LRRC4C: variants seen among roughly 807,000 people sequenced by gnomAD.
The protein encoded by LRRC4C is leucine rich repeat containing 4C.
In LRRC4C, 5 loss-of-function variants were observed where a neutral mutation model predicts 33.6. The ratio of observed to expected loss-of-function variants is 0.15; its 90% CI spans 0.08 to 0.31. The LOEUF (loss-of-function observed/expected upper bound fraction) is 0.31. LRRC4C is among the 10% of genes least tolerant of loss of function. The pLI is 1.00. For synonymous variants in LRRC4C, 329 were observed against 302.0 expected (o/e 1.09, Z -0.93); for missense variants, 560 against 796.7 (o/e 0.70, Z 3.58).
intron 3 of LRRC4C, among the ~76,000 whole-genome samples, chr11:40,356,386 T>C (rs372019653): frequency 3.3e-5 from 5 of 152,328 alleles, no homozygotes; most frequent in African/African-American, 1.2e-4. Context: ...CTATTAAGCA[T>C]TTGTTTAAAA....
chr11:41,370,665 A>T (rs956957492), intron 1 of LRRC4C, among the ~76,000 whole-genome samples: 1 of 152,064 alleles, frequency 6.6e-6, no homozygotes, highest in African/African-American at 2.4e-5. Flanking sequence ...AGTCTTGGGT[A>T]TGTCTTTATC....
chr11:41,052,481 G>A (rs145121838), intron 1 of LRRC4C, among the ~76,000 whole-genome samples: 17 of 151,336 alleles, frequency 1.1e-4, no homozygotes, highest in African/African-American at 2.2e-4. Context: ...GTATGTTCCC[G>A]TCCATCTGCT....
chr11:40,429,558 G>T (rs1429935582), intron 3 of LRRC4C, among the ~76,000 whole-genome samples: 2 of 133,272 alleles, frequency 1.5e-5, no homozygotes, highest in Non-Finnish European at 3.2e-5. Flanking sequence ...TGAATCAGGT[G>T]CAATAATAAT....
intron 1 of LRRC4C, among the ~76,000 whole-genome samples, chr11:41,162,694 G>T (rs1565440056): frequency 6.6e-6 from 1 of 152,104 alleles, no homozygotes; most frequent in East Asian, 1.9e-4. Context: ...TAGTATAAAA[G>T]ATAAAAAATA....
intron 1 of LRRC4C, among the ~76,000 whole-genome samples, chr11:41,128,862 A>G (rs540764690): frequency 3.3e-5 from 5 of 152,146 alleles, no homozygotes; most frequent in South Asian, 2.1e-4. Flanking sequence ...ATAACTTCAT[A>G]TATCTATCTG....
chr11:41,337,861 C>A (rs893854668), intron 1 of LRRC4C, among the ~76,000 whole-genome samples: 4 of 152,044 alleles, frequency 2.6e-5, no homozygotes, highest in South Asian at 2.1e-4. Context: ...ACAACCCCAT[C>A]AAAAAATGGG....
intron 1 of LRRC4C, among the ~76,000 whole-genome samples, chr11:41,071,951 G>A (rs543955876): frequency 6.6e-6 from 1 of 152,238 alleles, no homozygotes; most frequent in African/African-American, 2.4e-5. Context: ...GATAGAAATA[G>A]CAACAGAATG....
At chr11:41,285,737 T>TA (rs1005608299) in intron 1 of LRRC4C, among the ~76,000 whole-genome samples, 13 of 152,308 alleles carry the variant, frequency 8.5e-5, no homozygotes, top group Admixed American at 6.5e-4. Flanking sequence ...GTGTGTTACT[T>TA]AAAAAAAGAC....
intron 3 of LRRC4C, among the ~76,000 whole-genome samples, chr11:40,361,744 C>T (rs10430980): frequency 0.5 from 75,377 of 151,976 alleles, 19,113 homozygotes; most frequent in East Asian, 0.8. Flanking sequence ...ACATGCTTCA[C>T]AGAACTAGAA....
intron 2 of LRRC4C, among the ~76,000 whole-genome samples, chr11:40,915,739 T>A (rs1956926580): frequency 6.6e-6 from 1 of 152,096 alleles, no homozygotes. Context: ...CAAAAGAAAC[T>A]ACCATCAGAG....
intron 4 of LRRC4C, among the ~76,000 whole-genome samples, chr11:40,283,678 G>A (rs1042569235): frequency 3.0e-4 from 42 of 138,164 alleles, no homozygotes; most frequent in African/African-American, 1.1e-3. Flanking sequence ...AGAAGAATAA[G>A]ATGAGGTCCA....
chr11:41,351,953 A>G (rs1951999606), intron 1 of LRRC4C, among the ~76,000 whole-genome samples: 1 of 152,204 alleles, frequency 6.6e-6, no homozygotes, highest in African/African-American at 2.4e-5. Context: ...CTGACACTAA[A>G]AAGCAACTGT....
intron 1 of LRRC4C, among the ~76,000 whole-genome samples, chr11:41,204,176 T>G (rs1946505960): frequency 1.3e-5 from 2 of 152,198 alleles, no homozygotes; most frequent in Non-Finnish European, 2.9e-5. Flanking sequence ...CCTGGCCTTC[T>G]AAAAATAGAA....
chr11:40,115,190 C>T lies in LRRC4C; in HGVS notation c.1103G>A (p.Gly368Asp). Residue 368 changes from glycine to aspartate, a missense_variant, in exon 7 of 7, where the codon GGC (glycine) becomes GAC (aspartate). Around this residue, in one of 3 missense-constraint regions of LRRC4C, gnomAD observed 455 missense variants for 643.8 expected, o/e 0.71. Transcript: ENST00000528697. The surrounding 1 kb of genome is among the most constrained non-coding windows in gnomAD (Gnocchi z 6.7). ...CCGACATTTCAGCTCAGCTGCCATG[C>T]CTTCAGTGACATTGAGGTCTGCAGG... is the stretch of plus-strand genomic sequence containing the variant. ...EPPADLNVTE[G>D]MAAELKCRAS... The T allele has an allele frequency of 6.2e-7, 1 of 1,614,198 alleles. No individual in the cohort carries two copies. Among genetic ancestry groups the T allele is most frequent in the Non-Finnish European group, 8.5e-7 (1 of 1,180,040 alleles).
intron 3 of LRRC4C, among the ~76,000 whole-genome samples, chr11:40,510,163 T>C (rs1590956783): frequency 2.0e-5 from 3 of 149,844 alleles, no homozygotes. Flanking sequence ...TCAATATATA[T>C]GTATATTTAT....
At chr11:41,283,674 A>G (rs12226722) in intron 1 of LRRC4C, among the ~76,000 whole-genome samples, 6,926 of 152,298 alleles carry the variant, frequency 0.045, 200 homozygotes, top group South Asian at 0.074. Context: ...AGAGTGCAGT[A>G]GTTGTGCCAG....
chr11:41,391,724 A>G (rs1250927956), intron 1 of LRRC4C, among the ~76,000 whole-genome samples: 1 of 151,900 alleles, frequency 6.6e-6, no homozygotes, highest in African/African-American at 2.4e-5. Flanking sequence ...AAGTTCCTAT[A>G]ATACCTCAGG....
At chr11:40,432,392 C>T (rs1164721144) in intron 3 of LRRC4C, among the ~76,000 whole-genome samples, 1 of 152,160 alleles carries the variant, frequency 6.6e-6, no homozygotes, top group Non-Finnish European at 1.5e-5. Flanking sequence ...TTCTGTGCCA[C>T]AATGTAATAA....
At chr11:41,391,355 G>A (rs1051396812) in intron 1 of LRRC4C, among the ~76,000 whole-genome samples, 3 of 151,848 alleles carry the variant, frequency 2.0e-5, no homozygotes, top group African/African-American at 4.8e-5. Flanking sequence ...CTGGGGATAT[G>A]TAGATCAAAG....
Sources: allele counts gnomAD v4.1 joint callset (sites outside exome capture counted in the v4.1 genomes callset), GRCh38; gene constraint gnomAD v4.1.1; regional missense constraint gnomAD v4.1.1; non-coding constraint Gnocchi (gnomAD v3.1); transcripts MANE v1.5; gene names NCBI Gene and HGNC (gene_info 2026-07-23, HGNC 2026-07-21).